The following NRXN3 variants were observed in gnomAD, a reference collection of about 807,000 sequenced individuals.
NRXN3 encodes neurexin III.
Under a neutral mutation model 137.6 loss-of-function variants are expected in NRXN3, and 32 were observed. The ratio of observed to expected loss-of-function variants is 0.23; its 90% CI spans 0.18 to 0.31. NRXN3 has a LOEUF of 0.31. Among genes scored for constraint, NRXN3 ranks in the 10% least tolerant of loss-of-function variants. The pLI, the probability that NRXN3 is intolerant of heterozygous loss-of-function variation, is 1.00. For missense variants in NRXN3, 1,574 were observed against 2,062.5 expected (o/e 0.76, Z 4.59); for synonymous variants, 798 against 784.5 (o/e 1.02, Z -0.29).
intron 2 of NRXN3, among the ~76,000 whole-genome samples, chr14:78,249,366 G>A (rs1043950673): frequency 1.3e-5 from 2 of 152,198 alleles, no homozygotes; most frequent in African/African-American, 2.4e-5. Flanking sequence ...GACCGATGCC[G>A]GGGGCTAATT....
At chr14:78,427,683 T>C (rs2093716158) in intron 4 of NRXN3, among the ~76,000 whole-genome samples, 1 of 152,196 alleles carries the variant, frequency 6.6e-6, no homozygotes, top group South Asian at 2.1e-4. Flanking sequence ...GGAGGCTGCA[T>C]ATCACTTAGA....
intron 10 of NRXN3, among the ~76,000 whole-genome samples, chr14:78,841,293 G>GATT (rs1292756780): frequency 1.3e-5 from 2 of 151,880 alleles, no homozygotes; most frequent in Middle Eastern, 3.2e-3. Flanking sequence ...TGATGATGAT[G>GATT]ATTATTATTA....
At chr14:79,118,024 C>T (rs2054757340) in intron 15 of NRXN3, among the ~76,000 whole-genome samples, 1 of 152,176 alleles carries the variant, frequency 6.6e-6, no homozygotes. Flanking sequence ...GAGGCAGAAC[C>T]ATTTCAAAGA....
At chr14:79,760,431 T>C (rs991172029) in intron 19 of NRXN3, among the ~76,000 whole-genome samples, 6 of 151,064 alleles carry the variant, frequency 4.0e-5, no homozygotes, top group Non-Finnish European at 7.4e-5. Context: ...CTTTTTTTTT[T>C]TTTTTAAGCC....
chr14:79,737,129 T>C (rs1336738116), intron 19 of NRXN3, among the ~76,000 whole-genome samples: 1 of 152,226 alleles, frequency 6.6e-6, no homozygotes, highest in Non-Finnish European at 1.5e-5. Flanking sequence ...AGACAAAGTA[T>C]AGAACCCAAA....
At chr14:79,812,742 G>A (rs1255714196) in intron 20 of NRXN3, among the ~76,000 whole-genome samples, 1 of 152,084 alleles carries the variant, frequency 6.6e-6, no homozygotes. Context: ...ATGGTCAAAG[G>A]CCACACCGTT....
rs117013979 is a variant in NRXN3 at position 78,338,842 on chromosome 14, C to T, written c.757+40982C>T. ...TTAACACTTTAACACTTGAAAGGGC[C>T]TCTTCATTGTGGTTTCATTCACCTT... On this transcript the variant is annotated intron_variant, in intron 4 of 20. Transcript: ENST00000335750. Among the ~76,000 whole-genome samples the T allele has an allele frequency of 1.8e-4, 27 of 152,278 alleles. No homozygotes were observed. The East Asian group carries it at 5.2e-3, about 29-fold the overall frequency.
chr14:79,608,848 GA>G (rs1021289714), intron 16 of NRXN3, among the ~76,000 whole-genome samples: 1 of 150,980 alleles, frequency 6.6e-6, no homozygotes, highest in Non-Finnish European at 1.5e-5. Context: ...GGAGTGCAGT[GA>G]AAAAAAAGTG....
chr14:79,493,328 G>T (rs1371679274), intron 16 of NRXN3, among the ~76,000 whole-genome samples: 6 of 152,222 alleles, frequency 3.9e-5, no homozygotes, highest in African/African-American at 1.2e-4. Context: ...CAAGAAAATA[G>T]AATCTGAAAG....
At chr14:78,772,651 G>C (rs1234107802) in intron 8 of NRXN3, among the ~76,000 whole-genome samples, 1 of 152,122 alleles carries the variant, frequency 6.6e-6, no homozygotes, top group Admixed American at 6.5e-5. Context: ...ATCATCTGGG[G>C]ATTTTATTAA....
intron 8 of NRXN3, among the ~76,000 whole-genome samples, chr14:78,781,593 T>A (rs1056972592): frequency 2.0e-5 from 3 of 152,158 alleles, no homozygotes; most frequent in Admixed American, 2.0e-4. Context: ...TCAACCAAAT[T>A]ATATATGACC....
chr14:78,336,431 C>T (rs955727751), intron 4 of NRXN3, among the ~76,000 whole-genome samples: 35 of 152,044 alleles, frequency 2.3e-4, no homozygotes, highest in African/African-American at 7.2e-4. Flanking sequence ...AAGTGTGTAC[C>T]GAGCATCTGC....
chr14:79,774,260 T>C (rs1443240024), intron 19 of NRXN3, among the ~76,000 whole-genome samples: 1 of 152,164 alleles, frequency 6.6e-6, no homozygotes, highest in African/African-American at 2.4e-5. Flanking sequence ...TGGATGTTCA[T>C]GATCTGAAGT....
rs1462115476 is a variant in NRXN3 at position 78,798,064 on chromosome 14, T to G, written c.2045-5556T>G. ...TCCCTGACCCCTCCCAAATCTTATG[T>G]CCTCACATTTCAAAACCAGTCATGC... On this transcript the variant is annotated intron_variant, in intron 8 of 20. Transcript: ENST00000335750. Among the ~76,000 whole-genome samples the G allele has an allele frequency of 3.9e-5, 6 of 152,104 alleles. No individual in the cohort carries two copies. The East Asian group carries it at 7.7e-4, about 20-fold the overall frequency.
At chr14:79,487,957 C>T (rs1567262525) in intron 16 of NRXN3, among the ~76,000 whole-genome samples, 2 of 152,138 alleles carry the variant, frequency 1.3e-5, no homozygotes. Flanking sequence ...GATACTGCCT[C>T]CCTTCCCCAG....
chr14:79,021,967 G>A (rs1441266911), intron 15 of NRXN3, among the ~76,000 whole-genome samples: 2 of 152,180 alleles, frequency 1.3e-5, no homozygotes. Context: ...CCCAGTGGTG[G>A]TGCATGACCT....
At chr14:78,834,732 A>G (rs1308224315) in intron 10 of NRXN3, among the ~76,000 whole-genome samples, 3 of 152,100 alleles carry the variant, frequency 2.0e-5, no homozygotes, top group African/African-American at 7.2e-5. Flanking sequence ...CTTGCTAATA[A>G]CCTGAATTGT....
At chr14:78,842,502 AGATCACAG>A (rs1249142439) in intron 10 of NRXN3, among the ~76,000 whole-genome samples, 1 of 152,152 alleles carries the variant, frequency 6.6e-6, no homozygotes. Flanking sequence ...AGGCAGGGCG[AGATCACAG>A]GACCACAGGA....
intron 10 of NRXN3, among the ~76,000 whole-genome samples, chr14:78,911,566 A>G (rs1186118143): frequency 1.2e-4 from 19 of 152,196 alleles, no homozygotes; most frequent in Admixed American, 1.2e-3. Context: ...ACACTTATTA[A>G]AAGCCAGGAT....
Sources: gnomAD v4.1 joint callset for allele counts (sites outside exome capture counted in the v4.1 genomes callset) on GRCh38, gnomAD v4.1.1 for gene constraint, MANE v1.5 for transcripts, NCBI Gene and HGNC (gene_info 2026-07-23, HGNC 2026-07-21) for gene names.